The following ERBB4 variants were observed in gnomAD, a reference collection of about 807,000 sequenced individuals.
The protein encoded by ERBB4 is receptor tyrosine-protein kinase erbB-4.
ERBB4 carries 42 observed loss-of-function variants against 158.0 expected under a neutral mutation model. That is an observed-to-expected ratio of 0.27 (90% CI 0.21 to 0.34). The LOEUF is 0.34. Ranked by LOEUF, ERBB4 falls within the 10% of genes least tolerant of loss-of-function variation. ERBB4 has a pLI of 1.00. For synonymous variants in ERBB4, 583 were observed against 558.7 expected, an observed-to-expected ratio of 1.04 and a Z score of -0.61; for missense variants, 1,333 against 1,624.1, an observed-to-expected ratio of 0.82 and a Z score of 3.08.
At chr2:212,191,556 GTTATATATAA>G in intron 1 of ERBB4, among the ~76,000 whole-genome samples, 1 of 138,000 alleles carries the variant, frequency 7.2e-6, no homozygotes, top group Admixed American at 7.7e-5. Flanking sequence ...TGTTATGCCT[GTTATATATAA>G]CACATGTGTT....
At chr2:212,115,796 A>G (rs781731754) in intron 2 of ERBB4, among the ~76,000 whole-genome samples, 2 of 152,114 alleles carry the variant, frequency 1.3e-5, no homozygotes, top group Non-Finnish European at 2.9e-5. Flanking sequence ...GGTGTGAGCC[A>G]CTGTGCCTGG....
At chr2:211,437,918 A>G (rs7592174) in intron 20 of ERBB4, among the ~76,000 whole-genome samples, 45,888 of 152,074 alleles carry the variant, frequency 0.3, 7,109 homozygotes, top group African/African-American at 0.34. Flanking sequence ...CTATGGTTAG[A>G]GCTAAAGATA....
chr2:211,508,710 C>A (rs892996568), intron 20 of ERBB4, among the ~76,000 whole-genome samples: 2 of 152,114 alleles, frequency 1.3e-5, no homozygotes, highest in Non-Finnish European at 2.9e-5. Context: ...CACATGCATA[C>A]ATATGTGTAT....
In ERBB4 at chr2:211,895,931, T is replaced by A. The variant is rs1265158837; in HGVS notation, c.421+51499A>T. Among the ~76,000 whole-genome samples, 6 of 152,304 alleles carry A rather than the reference T, an allele frequency of 3.9e-5. 1 individual carries two copies. The South Asian group carries it at 6.2e-4, about 16-fold the overall frequency. ...AACAGTTGTTCAGTCTTCACTGCAC[T>A]GGCTTCGTTCCAGTTTCTTGGTCTC... On this transcript the variant is annotated intron_variant, in intron 3 of 27. Transcript: ENST00000342788.
At chr2:212,196,792 G>T (rs2082438417) in intron 1 of ERBB4, among the ~76,000 whole-genome samples, 1 of 151,938 alleles carries the variant, frequency 6.6e-6, no homozygotes, top group African/African-American at 2.4e-5. Flanking sequence ...TAATAATTAT[G>T]GTAGCTAAAC....
chr2:212,237,652 T>C (rs1045067792), intron 1 of ERBB4, among the ~76,000 whole-genome samples: 2 of 152,114 alleles, frequency 1.3e-5, no homozygotes, highest in Non-Finnish European at 2.9e-5. Context: ...GGCAGGAACA[T>C]TTAAGTCTGC....
chr2:211,985,871 T>A (rs1389207329), intron 2 of ERBB4, among the ~76,000 whole-genome samples: 1 of 152,072 alleles, frequency 6.6e-6, no homozygotes, highest in Non-Finnish European at 1.5e-5. Context: ...ATCGAAGGGA[T>A]CTTTGAAATA....
chr2:211,464,738 G>C (rs1007579268), intron 20 of ERBB4, among the ~76,000 whole-genome samples: 19 of 151,940 alleles, frequency 1.3e-4, no homozygotes, highest in African/African-American at 4.4e-4. Context: ...ATATGAGCAA[G>C]TTTATACTCA....
intron 3 of ERBB4, 134 bp from the exon 4 acceptor site, chr2:211,788,293 T>C (rs1296332773): frequency 7.5e-6 from 5 of 668,330 alleles, no homozygotes; most frequent in Non-Finnish European, 1.3e-5. Context: ...AAGATATCTT[T>C]TAAAATATCT....
intron 1 of ERBB4, among the ~76,000 whole-genome samples, chr2:212,185,381 A>G (rs2081988432): frequency 6.6e-6 from 1 of 151,910 alleles, no homozygotes; most frequent in South Asian, 2.1e-4. Context: ...GAAAAAAAAA[A>G]GGCTCATCTG....
intron 20 of ERBB4, among the ~76,000 whole-genome samples, chr2:211,519,973 C>G (rs980619266): frequency 6.6e-6 from 1 of 152,198 alleles, no homozygotes; most frequent in African/African-American, 2.4e-5. Context: ...AGGCCCTTAT[C>G]TATCAGTGAT....
chr2:211,835,185 C>G (rs1361748114), intron 3 of ERBB4, among the ~76,000 whole-genome samples: 2 of 152,092 alleles, frequency 1.3e-5, no homozygotes, highest in Admixed American at 1.3e-4. Context: ...CTTCATTAAC[C>G]ATCTCTGCTC....
intron 1 of ERBB4, among the ~76,000 whole-genome samples, chr2:212,177,027 G>C (rs1333422828): frequency 6.6e-6 from 1 of 150,458 alleles, no homozygotes; most frequent in Non-Finnish European, 1.5e-5. Flanking sequence ...ATTACTTTAT[G>C]AAGCAACATC....
chr2:212,259,220 AAC>A (rs1312149934), intron 1 of ERBB4, among the ~76,000 whole-genome samples: 1 of 152,186 alleles, frequency 6.6e-6, no homozygotes, highest in Admixed American at 6.6e-5. Context: ...ATATTAAAAT[AAC>A]AGTCTAATAA....
At chr2:211,567,123 C>G (rs1388927740) in intron 19 of ERBB4, among the ~76,000 whole-genome samples, 1 of 152,176 alleles carries the variant, frequency 6.6e-6, no homozygotes, top group Non-Finnish European at 1.5e-5. Flanking sequence ...AAAATTAATT[C>G]TCAGCTGCAA....
chr2:212,036,555 C>G (rs561741749), intron 2 of ERBB4, among the ~76,000 whole-genome samples: 1 of 151,912 alleles, frequency 6.6e-6, no homozygotes, highest in South Asian at 2.1e-4. Context: ...AGCTCCATCT[C>G]CCGGGTTCAC....
intron 2 of ERBB4, among the ~76,000 whole-genome samples, chr2:211,949,864 C>T (rs1183008835): frequency 6.6e-6 from 1 of 152,172 alleles, no homozygotes; most frequent in Non-Finnish European, 1.5e-5. Flanking sequence ...CCCATTACTT[C>T]TTACCTTCTA....
intron 4 of ERBB4, among the ~76,000 whole-genome samples, chr2:211,766,238 T>C (rs2075547522): frequency 6.6e-6 from 1 of 152,210 alleles, no homozygotes; most frequent in Non-Finnish European, 1.5e-5. Context: ...AAAAGTTGCA[T>C]ACAGCTGCTT....
At chr2:212,450,496 C>G (rs2092429668) in intron 1 of ERBB4, among the ~76,000 whole-genome samples, 1 of 152,072 alleles carries the variant, frequency 6.6e-6, no homozygotes, top group South Asian at 2.1e-4. Context: ...AGCCAAGGAA[C>G]ACAGATAGAT....
Sources: allele counts gnomAD v4.1 joint callset (sites outside exome capture counted in the v4.1 genomes callset), GRCh38; gene constraint gnomAD v4.1.1; transcripts MANE v1.5; gene names NCBI Gene and HGNC (gene_info 2026-07-23, HGNC 2026-07-21).